GALK2: variants seen among roughly 807,000 people sequenced by gnomAD.
The protein encoded by GALK2 is N-acetylgalactosamine kinase.
Under a neutral mutation model 52.4 loss-of-function variants are expected in GALK2, and 36 were observed. The ratio of observed to expected loss-of-function variants is 0.69; its 90% CI spans 0.53 to 0.91. The LOEUF is 0.91. Ranked by LOEUF, GALK2 falls within the 40% of genes least tolerant of loss-of-function variation. The probability of loss-of-function intolerance (pLI) is 0.00; values close to 1 mark genes in which losing one functional copy is unlikely to be tolerated. For missense variants in GALK2, 579 were observed against 559.1 expected (o/e 1.04, Z -0.36); for synonymous variants, 176 against 199.1 (o/e 0.88, Z 0.98).
intron 5 of GALK2, among the ~76,000 whole-genome samples, chr15:49,275,745 C>T (rs1227013821): frequency 1.3e-5 from 2 of 152,034 alleles, no homozygotes; most frequent in Non-Finnish European, 2.9e-5. Context: ...TTGTGGATAT[C>T]CAGGTTTAGC....
At chr15:49,192,247 G>A (rs1304033150) in intron 1 of GALK2, among the ~76,000 whole-genome samples, 1 of 151,784 alleles carries the variant, frequency 6.6e-6, no homozygotes, top group Non-Finnish European at 1.5e-5. Flanking sequence ...TAATATGATA[G>A]TAATTATCCC....
chr15:49,252,023 T>A (rs1361760057), intron 5 of GALK2, among the ~76,000 whole-genome samples: 1 of 152,168 alleles, frequency 6.6e-6, no homozygotes, highest in East Asian at 1.9e-4. Context: ...CCCAGCACTT[T>A]GGGAGGCAAA....
At chr15:49,195,832 C>A (rs1354005656) in intron 1 of GALK2, among the ~76,000 whole-genome samples, 1 of 148,994 alleles carries the variant, frequency 6.7e-6, no homozygotes, top group South Asian at 2.2e-4. Context: ...TTTTTTTTAT[C>A]CCTTTGCTTA....
At chr15:49,236,903 G>A (rs1350465192) in intron 4 of GALK2, among the ~76,000 whole-genome samples, 1 of 152,192 alleles carries the variant, frequency 6.6e-6, no homozygotes, top group Non-Finnish European at 1.5e-5. Context: ...TACTGTAACA[G>A]TGGTGGTTTT....
chr15:49,283,141 T>C (rs558087840), intron 6 of GALK2, among the ~76,000 whole-genome samples: 1 of 152,100 alleles, frequency 6.6e-6, no homozygotes, highest in East Asian at 1.9e-4. Flanking sequence ...TTCCCTCTTC[T>C]TGACATGCTT....
chr15:49,162,477 T>C (rs1443112169), intron 1 of GALK2, among the ~76,000 whole-genome samples: 2 of 152,236 alleles, frequency 1.3e-5, no homozygotes, highest in African/African-American at 2.4e-5. Context: ...TGTGGACATA[T>C]GTTTTGTTTC....
chr15:49,271,506 T>G (rs906126019), intron 5 of GALK2, among the ~76,000 whole-genome samples: 7 of 152,214 alleles, frequency 4.6e-5, no homozygotes, highest in Non-Finnish European at 8.8e-5. Context: ...AACCTTTCCC[T>G]GAGAGATAAA....
At chr15:49,238,031 G>A (rs1489140004) in intron 4 of GALK2, among the ~76,000 whole-genome samples, 1 of 152,072 alleles carries the variant, frequency 6.6e-6, no homozygotes. Flanking sequence ...TGCTAGCTAG[G>A]ACAGACAGAC....
chr15:49,198,135 C>T (rs2087401992), intron 1 of GALK2, among the ~76,000 whole-genome samples: 1 of 152,182 alleles, frequency 6.6e-6, no homozygotes, highest in Non-Finnish European at 1.5e-5. Context: ...AAGCTAAACA[C>T]TTAATTACCT....
chr15:49,212,813 T>G (rs748705986), intron 2 of GALK2, among the ~76,000 whole-genome samples: 5 of 152,258 alleles, frequency 3.3e-5, no homozygotes, highest in Admixed American at 6.5e-5. Flanking sequence ...GTTTCCAAAG[T>G]TTTTCTTCAT....
At chr15:49,197,776 A>G (rs2087370439) in intron 1 of GALK2, among the ~76,000 whole-genome samples, 1 of 152,098 alleles carries the variant, frequency 6.6e-6, no homozygotes, top group African/African-American at 2.4e-5. Flanking sequence ...TATCTACCAG[A>G]TATTTTTCTT....
intron 8 of GALK2, among the ~76,000 whole-genome samples, chr15:49,317,457 G>T (rs2036513849): frequency 7.2e-6 from 1 of 139,582 alleles, no homozygotes; most frequent in Admixed American, 7.2e-5. Context: ...TTACACTGTT[G>T]TTGGGAATGT....
At chr15:49,271,802 C>T (rs1212952561) in intron 5 of GALK2, among the ~76,000 whole-genome samples, 1 of 152,084 alleles carries the variant, frequency 6.6e-6, no homozygotes, top group South Asian at 2.1e-4. Flanking sequence ...CTCTGGGTTG[C>T]GAAACAATTA....
intron 1 of GALK2, among the ~76,000 whole-genome samples, chr15:49,177,325 A>C (rs575963560): frequency 6.6e-6 from 1 of 151,774 alleles, no homozygotes; most frequent in East Asian, 1.9e-4. Flanking sequence ...CTTTTAAATA[A>C]TTTATGTTAA....
chr15:49,201,084 G>GTGTA (rs1241843582), intron 1 of GALK2, 78 bp from the exon 2 acceptor site: 7 of 673,926 alleles, frequency 1.0e-5, no homozygotes, highest in Admixed American at 2.1e-5. Flanking sequence ...GTGTGTGTGT[G>GTGTA]TGTATGTATG....
At chr15:49,310,061 G>A (rs141740235) in intron 8 of GALK2, among the ~76,000 whole-genome samples, 5 of 152,178 alleles carry the variant, frequency 3.3e-5, no homozygotes, top group Admixed American at 1.3e-4. Flanking sequence ...CTGGCCTCTA[G>A]TAACTATAAT....
At chr15:49,367,378 C>A in intron 3 of GALK2, 2 of 1,292,888 alleles carry the variant, frequency 1.5e-6, no homozygotes, top group South Asian at 1.8e-5. Context: ...TCAATTGAGA[C>A]ATTCAGTGAA....
chr15:49,271,144 C>T (rs2030514089), intron 5 of GALK2, among the ~76,000 whole-genome samples: 1 of 152,154 alleles, frequency 6.6e-6, no homozygotes, highest in Non-Finnish European at 1.5e-5. Context: ...AAGTATTCTG[C>T]CAGCCAAAGG....
chr15:49,199,628 G>A (rs947553008), intron 1 of GALK2, among the ~76,000 whole-genome samples: 1 of 151,416 alleles, frequency 6.6e-6, no homozygotes, highest in African/African-American at 2.4e-5. Context: ...ATGGATACAG[G>A]ACCTAAACTC....
Sources: allele counts gnomAD v4.1 joint callset (sites outside exome capture counted in the v4.1 genomes callset), GRCh38; gene constraint gnomAD v4.1.1; transcripts MANE v1.5; gene names NCBI Gene and HGNC (gene_info 2026-07-23, HGNC 2026-07-21).